Variants in CSMD1 observed in about 807,000 individuals in gnomAD.
CSMD1 encodes the protein CUB and Sushi multiple domains 1.
Under a neutral mutation model 417.5 loss-of-function variants are expected in CSMD1, and 213 were observed. That is an observed-to-expected ratio of 0.51 (90% confidence interval 0.46 to 0.57). The LOEUF is 0.57. Among genes scored for constraint, CSMD1 ranks in the 20% least tolerant of loss-of-function variants. CSMD1 has a pLI of 0.00. For synonymous variants in CSMD1, 2,862 were observed against 1,736.8 expected (o/e 1.65, Z -16.11); for missense variants, 6,923 against 4,529.7 (o/e 1.53, Z -15.17).
intron 3 of CSMD1, among the ~76,000 whole-genome samples, chr8:4,306,809 C>T (rs565916677): frequency 2.0e-5 from 3 of 148,742 alleles, no homozygotes; most frequent in African/African-American, 7.5e-5. Context: ...TCCATAGCAC[C>T]AATCAATCCC....
At chr8:4,353,139 C>T (rs1584944792) in intron 3 of CSMD1, among the ~76,000 whole-genome samples, 1 of 152,134 alleles carries the variant, frequency 6.6e-6, no homozygotes, top group African/African-American at 2.4e-5. Flanking sequence ...TATGGTTTGG[C>T]TGTGTCCCCA....
intron 1 of CSMD1, among the ~76,000 whole-genome samples, chr8:4,827,316 A>C (rs1799891366): frequency 6.6e-6 from 1 of 152,090 alleles, no homozygotes; most frequent in South Asian, 2.1e-4. Context: ...AATGGTTTTC[A>C]TTTTATCTTA....
intron 3 of CSMD1, among the ~76,000 whole-genome samples, chr8:4,139,029 G>A (rs1803612934): frequency 6.6e-6 from 1 of 152,160 alleles, no homozygotes; most frequent in South Asian, 2.1e-4. Flanking sequence ...TATGCTGCAT[G>A]TTTCAGCACC....
At chr8:4,750,069 G>T (rs1044281250) in intron 1 of CSMD1, among the ~76,000 whole-genome samples, 1 of 151,866 alleles carries the variant, frequency 6.6e-6, no homozygotes, top group African/African-American at 2.4e-5. Flanking sequence ...TGCAGTGGGC[G>T]ATCTCGGCTC....
chr8:4,584,527 G>A (rs993688692), intron 2 of CSMD1, among the ~76,000 whole-genome samples: 1 of 152,022 alleles, frequency 6.6e-6, no homozygotes, highest in African/African-American at 2.4e-5. Flanking sequence ...CCAACTCTTC[G>A]GAGTTGGGAC....
chr8:4,288,966 G>C (rs1407640896), intron 3 of CSMD1, among the ~76,000 whole-genome samples: 1 of 152,082 alleles, frequency 6.6e-6, no homozygotes, highest in African/African-American at 2.4e-5. Flanking sequence ...TGTAAAAATG[G>C]TGATACGTGC....
chr8:4,716,345 A>G (rs1264825336), intron 1 of CSMD1, among the ~76,000 whole-genome samples: 1 of 152,202 alleles, frequency 6.6e-6, no homozygotes, highest in Non-Finnish European at 1.5e-5. Flanking sequence ...TCAAGAGAAA[A>G]CAGGCATGAC....
At chr8:4,036,802 T>G (rs1429766905) in intron 3 of CSMD1, among the ~76,000 whole-genome samples, 1 of 152,260 alleles carries the variant, frequency 6.6e-6, no homozygotes, top group Non-Finnish European at 1.5e-5. Flanking sequence ...ATAACATGGA[T>G]GAGAAAAATA....
intron 3 of CSMD1, among the ~76,000 whole-genome samples, chr8:4,267,490 T>C (rs1204531465): frequency 6.6e-6 from 1 of 151,530 alleles, no homozygotes; most frequent in African/African-American, 2.4e-5. Flanking sequence ...AATATTAAAG[T>C]CTTCATATCT....
intron 1 of CSMD1, among the ~76,000 whole-genome samples, chr8:4,962,959 G>T (rs910592168): frequency 1.3e-5 from 2 of 152,090 alleles, no homozygotes; most frequent in Non-Finnish European, 2.9e-5. Context: ...ATGGGTTGGC[G>T]CTGGGAAAAG....
chr8:3,361,485 TA>T (rs1333309255), intron 20 of CSMD1, among the ~76,000 whole-genome samples: 4 of 150,446 alleles, frequency 2.7e-5, no homozygotes, highest in Non-Finnish European at 4.4e-5. Flanking sequence ...TAAAATAAAA[TA>T]AAAAATAACA....
chr8:4,166,495 T>C (rs966852953), intron 3 of CSMD1, among the ~76,000 whole-genome samples: 18 of 152,142 alleles, frequency 1.2e-4, no homozygotes, highest in African/African-American at 3.6e-4. Context: ...CTAAGTTAAG[T>C]AACTCAGGAA....
At chr8:3,494,298 A>G (rs1008405876) in intron 10 of CSMD1, among the ~76,000 whole-genome samples, 10 of 152,282 alleles carry the variant, frequency 6.6e-5, no homozygotes, top group African/African-American at 2.4e-4. Context: ...CATCTGTACA[A>G]CAATGGTTTA....
At chr8:3,196,020 A>G (rs992863194) in intron 33 of CSMD1, among the ~76,000 whole-genome samples, 1 of 152,164 alleles carries the variant, frequency 6.6e-6, no homozygotes, top group Non-Finnish European at 1.5e-5. Flanking sequence ...ATGAGGTAGG[A>G]GGTCGGCACA....
chr8:4,584,078 G>C (rs890367602), intron 2 of CSMD1, among the ~76,000 whole-genome samples: 3 of 151,900 alleles, frequency 2.0e-5, no homozygotes, highest in Non-Finnish European at 2.9e-5. Flanking sequence ...TCCTGAGCCA[G>C]CAAGACCACG....
chr8:3,004,214 G>A (rs1187188633), intron 52 of CSMD1, among the ~76,000 whole-genome samples: 1 of 152,138 alleles, frequency 6.6e-6, no homozygotes, highest in Non-Finnish European at 1.5e-5. Flanking sequence ...GAGCCCAGAG[G>A]CTGTGATTTG....
intron 41 of CSMD1, among the ~76,000 whole-genome samples, chr8:3,133,370 C>T (rs1817899312): frequency 6.6e-6 from 1 of 152,196 alleles, no homozygotes; most frequent in Non-Finnish European, 1.5e-5. Context: ...CAGAGCCTCC[C>T]CTTTACAATC....
At chr8:4,584,474 A>T (rs1419312228) in intron 2 of CSMD1, among the ~76,000 whole-genome samples, 2 of 152,080 alleles carry the variant, frequency 1.3e-5, no homozygotes. Context: ...CGGACTAAAG[A>T]AACGGGTGTC....
chr8:3,259,681 AT>A (rs1196713791), intron 26 of CSMD1, among the ~76,000 whole-genome samples: 1 of 152,170 alleles, frequency 6.6e-6, no homozygotes, highest in Non-Finnish European at 1.5e-5. Flanking sequence ...CCATCCTGAA[AT>A]TTACTAAATT....
Sources: gnomAD v4.1 joint callset for allele counts (sites outside exome capture counted in the v4.1 genomes callset) on GRCh38, gnomAD v4.1.1 for gene constraint, MANE v1.5 for transcripts, NCBI Gene and HGNC (gene_info 2026-07-23, HGNC 2026-07-21) for gene names.